The following SSUH2 variants were observed in gnomAD, a reference collection of about 807,000 sequenced individuals.
The protein encoded by SSUH2 is ssu-2 homolog, also known as protein SSUH2 homolog.
Under a neutral mutation model 55.3 loss-of-function variants are expected in SSUH2, and 47 were observed. That is an observed-to-expected ratio of 0.85 (90% CI 0.67 to 1.08). SSUH2 has a LOEUF of 1.08. Among genes scored for constraint, SSUH2 ranks in the 50% least tolerant of loss-of-function variants. The pLI is 0.00. For missense variants in SSUH2, 535 were observed against 490.7 expected (o/e 1.09, Z -0.85); for synonymous variants, 212 against 191.5 (o/e 1.11, Z -0.89).
chr3:8,654,310 G>T (rs192920527), intron 7 of SSUH2, among the ~76,000 whole-genome samples: 11 of 152,174 alleles, frequency 7.2e-5, no homozygotes, highest in Admixed American at 1.3e-4. Context: ...ATCACATTAG[G>T]GGGTAGGGCT....
At chr3:8,628,012 T>C (rs1380501537) in intron 7 of SSUH2, among the ~76,000 whole-genome samples, 1 of 152,140 alleles carries the variant, frequency 6.6e-6, no homozygotes, top group Non-Finnish European at 1.5e-5. Flanking sequence ...GACATCAGCC[T>C]CTCCTGCCTC....
chr3:8,672,344 A>T (rs544138257), intron 3 of SSUH2, among the ~76,000 whole-genome samples: 1 of 152,062 alleles, frequency 6.6e-6, no homozygotes, highest in African/African-American at 2.4e-5. Flanking sequence ...CCTGCACATT[A>T]CAAAAAATAT....
intron 4 of SSUH2, 149 bp from the exon 5 acceptor site, chr3:8,632,258 A>C: frequency 1.5e-6 from 1 of 649,436 alleles, no homozygotes; most frequent in Non-Finnish European, 2.7e-6. Context: ...ACTGGCTGAC[A>C]ACAGCGATTT....
rs182033544 is a variant in SSUH2, at chr3:8,655,765, A to G, written c.-307+3160T>C. ...TTGTTCAGAGCCAATCAGAAAACTG[A>G]TAACACAGCCCCTCGCTCTTCTGTT... On this transcript the variant is annotated intron_variant, in intron 7 of 18. Coordinates refer to the SSUH2 transcript ENST00000317371. Among the ~76,000 whole-genome samples, 569 of 152,322 alleles carry G rather than the reference A, an allele frequency of 3.7e-3. 2 individuals are homozygous for G. The highest frequency in any genetic ancestry group is 4.3e-3 in the Non-Finnish European group (292 of 68,030).
At chr3:8,679,879 T>A (rs995691494) in intron 1 of SSUH2, 88 of 151,704 alleles carry the variant, frequency 5.8e-4, no homozygotes, top group Non-Finnish European at 8.8e-5. Flanking sequence ...GAGAGAATTC[T>A]TAAGAGCTGT....
chr3:8,629,633 C>CTCACTCACCAGTGGTTCACAGA, intron 7 of SSUH2, 31 bp downstream of exon 7: 1 of 1,587,722 alleles, frequency 6.3e-7, no homozygotes, highest in Non-Finnish European at 8.6e-7. Flanking sequence ...CACACCCTCA[C>CTCACTCACCAGTGGTTCACAGA]TGACTCACCA....
intron 1 of SSUH2, chr3:8,639,899 G>T (rs971630721): frequency 1.1e-6 from 1 of 930,580 alleles, no homozygotes; most frequent in African/African-American, 1.8e-5. Context: ...TAAACAAAGA[G>T]TGGGAATCCA....
At chr3:8,633,372 C>G (rs1420143196) in intron 4 of SSUH2, among the ~76,000 whole-genome samples, 1 of 151,562 alleles carries the variant, frequency 6.6e-6, no homozygotes, top group African/African-American at 2.4e-5. Context: ...TAACCTGACT[C>G]ACCTCAGGTG....
chr3:8,641,382 A>T (rs531662154), intron 1 of SSUH2, among the ~76,000 whole-genome samples: 1 of 152,186 alleles, frequency 6.6e-6, no homozygotes, highest in South Asian at 2.1e-4. Flanking sequence ...AAAATCACTC[A>T]ATTTTTTAGG....
At chr3:8,665,178 TGAAA>T (rs1703880143) in intron 5 of SSUH2, among the ~76,000 whole-genome samples, 1 of 149,582 alleles carries the variant, frequency 6.7e-6, no homozygotes, top group Admixed American at 6.7e-5. Flanking sequence ...TCAGTTGCCG[TGAAA>T]GAAAGAAGAA....
At chr3:8,621,821 G>A (rs1372570170) in intron 11 of SSUH2, among the ~76,000 whole-genome samples, 2 of 152,194 alleles carry the variant, frequency 1.3e-5, no homozygotes, top group African/African-American at 2.4e-5. Context: ...AAGGAGATGG[G>A]AGTCAATGTC....
Position 8,619,977 on chromosome 3 carries a change from T to A in SSUH2, c.1019A>T (p.His340Leu), listed in dbSNP as rs748023106. The A allele has an allele frequency of 1.9e-6, 3 of 1,614,008 alleles. No individual in the cohort carries two copies. In the African/African-American group the frequency reaches 4.0e-5, roughly 22 times the overall value. ...ATAAGTCTTTCCTTGGTACCAATAG[T>A]GAACTTCTGTGAGGGGGATCAGCTC... The part of the protein sequence containing the change: ...TIELIPLTEV[H>L]YWYQGKTYVY... Residue 340 changes from histidine (H) to leucine (L), a missense_variant, in exon 12 of 12, where the codon CAC (histidine) becomes CTC (leucine). Physicochemically the swap from His to Leu is moderately conservative, Grantham distance 99. Coordinates refer to ENST00000544814, the MANE Select transcript of SSUH2 (RefSeq NM_001256748.3).
At chr3:8,626,188 G>C in intron 9 of SSUH2, 41 bp downstream of exon 9, 1 of 1,545,940 alleles carries the variant, frequency 6.5e-7, no homozygotes, top group East Asian at 2.3e-5. Context: ...AAGTCCCTCA[G>C]CCACCCCCGC....
At chr3:8,667,102 A>G (rs1256677313) in intron 5 of SSUH2, among the ~76,000 whole-genome samples, 1 of 152,230 alleles carries the variant, frequency 6.6e-6, no homozygotes, top group Admixed American at 6.5e-5. Flanking sequence ...TTAAGAAAGT[A>G]AAGGGGTAAA....
At chr3:8,635,947 A>C (rs1194515334) in intron 1 of SSUH2, 90 bp from the exon 2 acceptor site, 3 of 1,150,118 alleles carry the variant, frequency 2.6e-6, no homozygotes, top group Non-Finnish European at 3.7e-6. Flanking sequence ...GGGCGGGTGC[A>C]TTATAAAAAG....
chr3:8,662,642 A>G (rs1311687761), intron 6 of SSUH2, among the ~76,000 whole-genome samples: 1 of 152,268 alleles, frequency 6.6e-6, no homozygotes. Context: ...CACCTAGACC[A>G]GAAAAGCCTG....
chr3:8,653,273 C>T (rs1161426217), intron 7 of SSUH2, among the ~76,000 whole-genome samples: 2 of 152,200 alleles, frequency 1.3e-5, no homozygotes, highest in Non-Finnish European at 2.9e-5. Context: ...CTTTTATTTA[C>T]CTTCACCATT....
chr3:8,628,758 C>G (rs1460476135), intron 7 of SSUH2, among the ~76,000 whole-genome samples: 2 of 152,214 alleles, frequency 1.3e-5, no homozygotes, highest in Admixed American at 1.3e-4. Flanking sequence ...TGGCTTCCCT[C>G]TCAGTGCCTC....
Position 8,622,789 on chromosome 3 carries a change from C to T in SSUH2, c.981+760G>A, listed in dbSNP as rs1162556623. 2.0e-5 allele frequency among the ~76,000 whole-genome samples: 3 copies of T among 152,294 alleles called. No homozygotes were observed. The East Asian group carries it at 5.8e-4, about 29-fold the overall frequency. On this transcript the variant is annotated intron_variant, in intron 11 of 11. Coordinates refer to ENST00000544814, the MANE Select transcript of SSUH2 (RefSeq NM_001256748.3). ...AAAGGGACATTTTGAGCACCGGGTG[C>T]CAAACACATTTCGAGGGTTTTGCTG...
Sources: allele counts gnomAD v4.1 joint callset (sites outside exome capture counted in the v4.1 genomes callset), GRCh38; gene constraint gnomAD v4.1.1; transcripts MANE v1.5; gene names NCBI Gene and HGNC (gene_info 2026-07-23, HGNC 2026-07-21).